The following TLK2 variants were observed in gnomAD, a reference collection of about 807,000 sequenced individuals.
TLK2 encodes serine/threonine-protein kinase tousled-like 2.
A neutral mutation model predicts 117.3 loss-of-function variants in TLK2; 6 were observed. The observed-to-expected ratio is 0.05, with a 90% CI of 0.03 to 0.10. The LOEUF (loss-of-function observed/expected upper bound fraction) is 0.10. TLK2 is among the 10% of genes least tolerant of loss of function. TLK2 has a pLI of 1.00. For synonymous variants in TLK2, 257 were observed against 316.7 expected, an observed-to-expected ratio of 0.81 and a Z score of 2.00; for missense variants, 299 against 901.2, an observed-to-expected ratio of 0.33 and a Z score of 8.56.
chr17:62,505,060 G>A (rs976812910), intron 2 of TLK2, among the ~76,000 whole-genome samples: 2 of 151,842 alleles, frequency 1.3e-5, no homozygotes, highest in Non-Finnish European at 2.9e-5. Flanking sequence ...CCCAGGTCTC[G>A]AGTTCCTGAC....
chr17:62,552,708 C>G (rs1226425886), intron 8 of TLK2, among the ~76,000 whole-genome samples: 1 of 149,922 alleles, frequency 6.7e-6, no homozygotes, highest in Admixed American at 6.7e-5. Flanking sequence ...AGAAAAGTAC[C>G]TACGCTTTGA....
chr17:62,499,964 C>T (rs1172703346), intron 2 of TLK2, among the ~76,000 whole-genome samples: 2 of 152,116 alleles, frequency 1.3e-5, no homozygotes, highest in Non-Finnish European at 2.9e-5. Context: ...TTATTATGGG[C>T]CGTTCTTACA....
chr17:62,541,220 A>G (rs890398422), intron 7 of TLK2, among the ~76,000 whole-genome samples: 1 of 152,060 alleles, frequency 6.6e-6, no homozygotes, highest in Non-Finnish European at 1.5e-5. Flanking sequence ...TTTTCTCCTT[A>G]GTCTACACCA....
chr17:62,490,129 C>T (rs1223358634), intron 2 of TLK2, among the ~76,000 whole-genome samples: 1 of 152,246 alleles, frequency 6.6e-6, no homozygotes, highest in Admixed American at 6.5e-5. Flanking sequence ...CACACCCAAC[C>T]AGTTATAGAA....
chr17:62,500,024 A>G (rs1232441963), intron 2 of TLK2, among the ~76,000 whole-genome samples: 29 of 152,118 alleles, frequency 1.9e-4, no homozygotes, highest in Admixed American at 1.8e-3. Flanking sequence ...TTTTACTAGC[A>G]AACCTTTTAT....
intron 16 of TLK2, among the ~76,000 whole-genome samples, chr17:62,594,188 A>T (rs1053374560): frequency 1.6e-4 from 24 of 152,166 alleles, no homozygotes; most frequent in African/African-American, 5.5e-4. Context: ...CAGGCGGATC[A>T]CTTGAAGTCA....
chr17:62,598,612 C>T (rs1260513470), intron 17 of TLK2, among the ~76,000 whole-genome samples: 1 of 152,112 alleles, frequency 6.6e-6, no homozygotes, highest in East Asian at 1.9e-4. Flanking sequence ...GCAACCTCCA[C>T]CTCCCAGGTT....
chr17:62,610,306 A>G (rs1289431185), intron 21 of TLK2, among the ~76,000 whole-genome samples: 1 of 152,156 alleles, frequency 6.6e-6, no homozygotes, highest in African/African-American at 2.4e-5. Context: ...CTGTCCTCCC[A>G]CAACAAATAT....
rs139276686 is a variant in TLK2, at chr17:62,502,923, G to A, written c.82-17850G>A. On this transcript the variant is annotated intron_variant, in intron 2 of 21. Transcript: ENST00000346027. ...TAAGCATGTCTTTATAAACATCTAT[G>A]TAGTAGATACTGTGCTAGGGATATA... Among the ~76,000 whole-genome samples the A allele has an allele frequency of 5.7e-3, 873 of 152,230 alleles. 8 individuals are homozygous for A. The highest frequency in any genetic ancestry group is 0.02 in the African/African-American group (832 of 41,536).
At chr17:62,515,987 C>T (rs367923110) in intron 2 of TLK2, among the ~76,000 whole-genome samples, 7 of 151,824 alleles carry the variant, frequency 4.6e-5, no homozygotes, top group Admixed American at 3.9e-4. Flanking sequence ...TGCAGTGGCG[C>T]GATTTCAGCT....
chr17:62,500,006 GA>G (rs1567798697), intron 2 of TLK2, among the ~76,000 whole-genome samples: 17 of 152,190 alleles, frequency 1.1e-4, no homozygotes, highest in African/African-American at 3.6e-4. Flanking sequence ...GCTATAATGG[GA>G]TCCTGCTTTT....
intron 19 of TLK2, among the ~76,000 whole-genome samples, chr17:62,603,635 G>C (rs944078405): frequency 3.3e-5 from 5 of 152,094 alleles, no homozygotes; most frequent in African/African-American, 1.2e-4. Flanking sequence ...TGTGATGCTA[G>C]GGATTTTGCT....
chr17:62,475,204 A>T (rs917371907), upstream of TLK2, among the ~76,000 whole-genome samples: 2 of 152,204 alleles, frequency 1.3e-5, no homozygotes, highest in Non-Finnish European at 2.9e-5. Flanking sequence ...TTTTAATGAA[A>T]GCTGCTCATG....
chr17:62,499,938 G>T (rs192293900), intron 2 of TLK2, among the ~76,000 whole-genome samples: 13 of 152,060 alleles, frequency 8.5e-5, no homozygotes, highest in Admixed American at 3.3e-4. Flanking sequence ...TAAAATAAAA[G>T]ATTAGAACAA....
At chr17:62,488,711 T>C (rs2072754490) in intron 2 of TLK2, among the ~76,000 whole-genome samples, 1 of 152,214 alleles carries the variant, frequency 6.6e-6, no homozygotes, top group Non-Finnish European at 1.5e-5. Context: ...CTTGCACTCT[T>C]TCTGTTCTTT....
Position 62,495,834 on chromosome 17 carries a change from T to G in TLK2, c.81+14628T>G, listed in dbSNP as rs188849050. On this transcript the variant is annotated intron_variant, in intron 2 of 21. Coordinates refer to ENST00000346027, the MANE Select transcript of TLK2 (RefSeq NM_006852.6). Reference sequence around the variant, plus strand: ...CTGCCGTGCCCAGCTAATTTTTTTTTTTGTTTTTTAGTAGAGACGGGGTTT... The same window carrying G: ...CTGCCGTGCCCAGCTAATTTTTTTTGTTGTTTTTTAGTAGAGACGGGGTTT... 2.4e-3 allele frequency among the ~76,000 whole-genome samples: 362 copies of G among 151,710 alleles called. 3 individuals carry two copies. Among genetic ancestry groups the G allele is most frequent in the African/African-American group, 6.7e-3 (278 of 41,448 alleles).
intron 12 of TLK2, 118 bp from the exon 13 acceptor site, chr17:62,576,591 A>G: frequency 3.9e-6 from 3 of 765,798 alleles, no homozygotes; most frequent in Non-Finnish European, 6.7e-6. Flanking sequence ...CCCATCTTTC[A>G]GTCATTTTAA....
At chr17:62,481,271 A>G in intron 2 of TLK2, 65 bp downstream of exon 2, 9 of 1,583,844 alleles carry the variant, frequency 5.7e-6, no homozygotes, top group Non-Finnish European at 7.8e-6. Context: ...TTAAATGATT[A>G]AGAGCAATTT....
At chr17:62,475,277 T>C (rs1252982446), upstream of TLK2, among the ~76,000 whole-genome samples, 1 of 152,124 alleles carries the variant, frequency 6.6e-6, no homozygotes, top group Non-Finnish European at 1.5e-5. Flanking sequence ...AGGGACAGAA[T>C]TGGAACCCAG....
Sources: gnomAD v4.1 joint callset for allele counts (sites outside exome capture counted in the v4.1 genomes callset) on GRCh38, gnomAD v4.1.1 for gene constraint, MANE v1.5 for transcripts, NCBI Gene and HGNC (gene_info 2026-07-23, HGNC 2026-07-21) for gene names.